Variants in SH3PXD2B observed in about 807,000 individuals in gnomAD.
The protein encoded by SH3PXD2B is SH3 and PX domains 2B.
Under a neutral mutation model 73.1 loss-of-function variants are expected in SH3PXD2B, and 37 were observed. That is an observed-to-expected ratio of 0.51 (90% CI 0.39 to 0.67). SH3PXD2B has a LOEUF of 0.67. Among genes scored for constraint, SH3PXD2B ranks in the 30% least tolerant of loss-of-function variants. SH3PXD2B has a pLI of 0.00. For missense variants in SH3PXD2B, 1,053 were observed against 1,197.8 expected, an observed-to-expected ratio of 0.88 and a Z score of 1.78; for synonymous variants, 457 against 480.5, an observed-to-expected ratio of 0.95 and a Z score of 0.64.
intron 4 of SH3PXD2B, among the ~76,000 whole-genome samples, chr5:172,385,567 C>A (rs1561916567): frequency 6.6e-6 from 1 of 152,190 alleles, no homozygotes; most frequent in Non-Finnish European, 1.5e-5. Context: ...AGGCAACAGC[C>A]CGGAGCTGGC....
chr5:172,402,778 C>A (rs7705809), intron 3 of SH3PXD2B, among the ~76,000 whole-genome samples: 1 of 152,226 alleles, frequency 6.6e-6, no homozygotes, highest in Non-Finnish European at 1.5e-5. Context: ...CTCCATGACA[C>A]CCAGCACCGG....
chr5:172,407,784 G>A (rs945619116), intron 2 of SH3PXD2B, among the ~76,000 whole-genome samples: 11 of 152,188 alleles, frequency 7.2e-5, no homozygotes, highest in African/African-American at 2.4e-4. Flanking sequence ...ATATGTATAC[G>A]AAACACCTAC....
At chr5:172,441,012 C>T (rs553162494) in intron 1 of SH3PXD2B, among the ~76,000 whole-genome samples, 6 of 152,300 alleles carry the variant, frequency 3.9e-5, no homozygotes, top group African/African-American at 1.4e-4. Context: ...GTGAGCTCCA[C>T]AGGCCCAAAT....
chr5:172,415,261 G>A (rs187263768), intron 2 of SH3PXD2B, among the ~76,000 whole-genome samples: 3 of 152,308 alleles, frequency 2.0e-5, no homozygotes, highest in East Asian at 1.9e-4. Flanking sequence ...AAGGTTGCAC[G>A]GTACAGTGTA....
chr5:172,355,197 C>T lies in SH3PXD2B; in HGVS notation c.668-1192G>A, dbSNP rs75311261. ...ATCTCTTTGGGAAAATACCACATGC[C>T]GTCCGCGGCCTGCCCAGCTGGTGCA... is the stretch of plus-strand genomic sequence containing the variant. On this transcript the variant is annotated intron_variant, in intron 8 of 12. Transcript: ENST00000311601. Among the ~76,000 whole-genome samples the T allele has an allele frequency of 4.5e-4, 68 of 152,366 alleles. 1 individual carries two copies. The East Asian group carries it at 0.012, about 28-fold the overall frequency.
intron 12 of SH3PXD2B, among the ~76,000 whole-genome samples, chr5:172,340,865 G>T (rs1017115146): frequency 3.3e-5 from 5 of 152,192 alleles, no homozygotes; most frequent in Admixed American, 3.3e-4. Context: ...AAAGTTCTGG[G>T]ATTACAGGTG....
chr5:172,448,888 G>T (rs1376061319), intron 1 of SH3PXD2B, among the ~76,000 whole-genome samples: 1 of 152,102 alleles, frequency 6.6e-6, no homozygotes, highest in African/African-American at 2.4e-5. Flanking sequence ...CCAGGGATAG[G>T]AGGAGAGGGA....
intron 12 of SH3PXD2B, among the ~76,000 whole-genome samples, chr5:172,342,410 G>C (rs1178175396): frequency 1.3e-5 from 2 of 152,154 alleles, no homozygotes; most frequent in East Asian, 3.9e-4. Context: ...CCGTCGATCG[G>C]AGGAGAGTCA....
intron 9 of SH3PXD2B, 98 bp from the exon 10 acceptor site, chr5:172,350,687 A>G: frequency 8.0e-7 from 1 of 1,249,130 alleles, no homozygotes; most frequent in Non-Finnish European, 1.1e-6. Flanking sequence ...CCCAGGGAGC[A>G]GGAACGACGG....
intron 2 of SH3PXD2B, among the ~76,000 whole-genome samples, chr5:172,412,296 T>TCC (rs539475493): frequency 2.0e-4 from 30 of 152,332 alleles, no homozygotes; most frequent in Admixed American, 1.0e-3. Context: ...CATCTTGCTG[T>TCC]CCAATCCAGT....
chr5:172,372,259 A>G (rs1757722430), intron 6 of SH3PXD2B, among the ~76,000 whole-genome samples: 1 of 152,162 alleles, frequency 6.6e-6, no homozygotes, highest in South Asian at 2.1e-4. Context: ...TGAATGGTTC[A>G]GCTCCATCCC....
chr5:172,373,859 C>G (rs965549794), intron 5 of SH3PXD2B, 44 bp from the exon 6 acceptor site: 1 of 1,607,776 alleles, frequency 6.2e-7, no homozygotes, highest in Non-Finnish European at 8.5e-7. Flanking sequence ...CGAGTCAGTA[C>G]TTGCCATGTA....
chr5:172,414,456 TAAAAAAAA>T (rs1007937801), intron 2 of SH3PXD2B, among the ~76,000 whole-genome samples: 2 of 77,554 alleles, frequency 2.6e-5, no homozygotes, highest in Admixed American at 1.6e-4. Context: ...GACTCCATCT[TAAAAAAAA>T]AAAAAAAAAA....
At chr5:172,360,982 C>T (rs1011616833) in intron 7 of SH3PXD2B, among the ~76,000 whole-genome samples, 3 of 152,116 alleles carry the variant, frequency 2.0e-5, no homozygotes, top group Non-Finnish European at 4.4e-5. Context: ...CTCACTCGGG[C>T]ACTGAATACT....
chr5:172,397,147 TGAAATGGCCACTCTGGGAAC>T (rs1340925092), intron 3 of SH3PXD2B, among the ~76,000 whole-genome samples: 2 of 152,144 alleles, frequency 1.3e-5, no homozygotes, highest in Non-Finnish European at 2.9e-5. Flanking sequence ...GGGAGGTCTC[TGAAATGGCCACTCTGGGAAC>T]GTCTGTCTTT....
At chr5:172,443,550 T>C (rs1759595103) in intron 1 of SH3PXD2B, among the ~76,000 whole-genome samples, 1 of 152,212 alleles carries the variant, frequency 6.6e-6, no homozygotes, top group Non-Finnish European at 1.5e-5. Flanking sequence ...TGGAGATGCA[T>C]TCTGAACAGA....
chr5:172,427,020 T>C (rs911116284), intron 1 of SH3PXD2B, among the ~76,000 whole-genome samples: 4 of 152,210 alleles, frequency 2.6e-5, no homozygotes, highest in African/African-American at 9.6e-5. Context: ...TAATACTTAG[T>C]AGCTTGGTGC....
chr5:172,404,314 A>T (rs559132119), intron 3 of SH3PXD2B, among the ~76,000 whole-genome samples: 76 of 150,030 alleles, frequency 5.1e-4, no homozygotes, highest in East Asian at 2.1e-3. Context: ...ATATATATAT[A>T]TATTTTTTTT....
rs1756661018 is a variant in SH3PXD2B at position 172,335,312 on chromosome 5, G to A, written c.*3057C>T. 2 of 1,171,722 alleles carry A rather than the reference G, an allele frequency of 1.7e-6. No homozygotes were observed. 72.6% of individuals were successfully genotyped at this position (1,171,722 alleles called of 1,614,324 possible). ...TGACCTACTGAAATGTGTGAGCAAG[G>A]GGCGGGGGGAAGAGGCACCGAAATT... On this transcript the variant is annotated 3_prime_UTR_variant, in exon 13 of 13. Coordinates refer to ENST00000311601, the MANE Select transcript of SH3PXD2B (RefSeq NM_001017995.3).
Sources: allele counts gnomAD v4.1 joint callset (sites outside exome capture counted in the v4.1 genomes callset), GRCh38; gene constraint gnomAD v4.1.1; transcripts MANE v1.5; gene names NCBI Gene and HGNC (gene_info 2026-07-23, HGNC 2026-07-21).